Variants in AGMO observed in about 807,000 individuals in gnomAD.
AGMO encodes the protein alkylglycerol monooxygenase.
In AGMO, 75 loss-of-function variants were observed where a neutral mutation model predicts 60.2. That is an observed-to-expected ratio of 1.25 (90% CI 1.03 to 1.51). AGMO has a LOEUF of 1.51. AGMO is among the 40% of genes most tolerant of loss of function. The pLI is 0.00. For synonymous variants in AGMO, 261 were observed against 177.1 expected, an observed-to-expected ratio of 1.47 and a Z score of -3.76; for missense variants, 763 against 525.5, an observed-to-expected ratio of 1.45 and a Z score of -4.42.
At chr7:15,206,291 T>C (rs529799616) in intron 12 of AGMO, among the ~76,000 whole-genome samples, 3 of 152,208 alleles carry the variant, frequency 2.0e-5, no homozygotes, top group East Asian at 3.9e-4. Flanking sequence ...GTTTCACAAA[T>C]GCCAACTTAC....
chr7:15,154,021 C>G, the AGMO span, among the ~76,000 whole-genome samples: 1 of 151,984 alleles, frequency 6.6e-6, no homozygotes, highest in African/African-American at 2.4e-5. Flanking sequence ...ACCAGAAGTC[C>G]TAGCCAGATC....
At chr7:15,311,527 G>A (rs532925851) in intron 12 of AGMO, among the ~76,000 whole-genome samples, 10 of 152,134 alleles carry the variant, frequency 6.6e-5, no homozygotes, top group South Asian at 6.2e-4. Context: ...AAACCAATCC[G>A]GGCTCAGATG....
At chr7:15,296,572 T>TAC (rs146120279) in intron 12 of AGMO, among the ~76,000 whole-genome samples, 2,890 of 152,290 alleles carry the variant, frequency 0.019, 100 homozygotes, top group African/African-American at 0.066. Context: ...CCTCATGGTT[T>TAC]ACATCATGGT....
chr7:15,366,173 G>A lies in AGMO; in HGVS notation c.1124C>T (p.Thr375Ile), dbSNP rs761447700. ...CAGAAGAAATCCAATGGAAGTCAAG[G>A]TCAGGATAATGAAGCAAACCCTCAG... Reference protein sequence around the residue: ...LLLRVCFIILTLTSIGFLLDQ... With the variant: ...LLLRVCFIILILTSIGFLLDQ... The change falls in exon 11 of 13, where the codon ACC becomes ATC. Residue 375 changes from threonine (T) to isoleucine (I), a missense_variant. Coordinates refer to ENST00000342526, the MANE Select transcript of AGMO (RefSeq NM_001004320.2). The A allele has an allele frequency of 4.4e-6, 7 of 1,608,848 alleles. No individual in the cohort carries two copies. The highest frequency in any genetic ancestry group is 3.3e-5 in the South Asian group (3 of 90,248).
At chr7:15,205,256 T>A (rs542979448) in intron 12 of AGMO, among the ~76,000 whole-genome samples, 8 of 152,296 alleles carry the variant, frequency 5.3e-5, no homozygotes, top group Admixed American at 3.9e-4. Flanking sequence ...AAGTTCCAAT[T>A]ACAACTAGCT....
chr7:15,318,013 T>A (rs1053554471), intron 12 of AGMO, among the ~76,000 whole-genome samples: 65 of 149,614 alleles, frequency 4.3e-4, no homozygotes, highest in Middle Eastern at 7.0e-3. Context: ...TACATATATT[T>A]TTTTTTTTTT....
At chr7:15,140,772 T>C in the AGMO span, among the ~76,000 whole-genome samples, 1 of 152,250 alleles carries the variant, frequency 6.6e-6, no homozygotes. Context: ...ACTTTTTTGC[T>C]AATTGTTCCT....
intron 12 of AGMO, among the ~76,000 whole-genome samples, chr7:15,253,484 G>A (rs577445855): frequency 3.9e-5 from 6 of 152,202 alleles, no homozygotes; most frequent in Middle Eastern, 6.8e-3. Flanking sequence ...AATGATTTCT[G>A]AGCAAGGTGC....
chr7:15,520,688 A>T (rs964061688), intron 3 of AGMO, among the ~76,000 whole-genome samples: 4 of 152,234 alleles, frequency 2.6e-5, no homozygotes, highest in African/African-American at 9.6e-5. Context: ...TCTCTGGGAC[A>T]CAGCTAAAGC....
chr7:15,406,619 A>G (rs1190135402), intron 5 of AGMO, among the ~76,000 whole-genome samples: 1 of 41,170 alleles, frequency 2.4e-5, no homozygotes, highest in African/African-American at 1.5e-4. Context: ...ACATGTACAC[A>G]TGTGTGTATA....
At chr7:15,203,149 T>G (rs570449623) in intron 12 of AGMO, among the ~76,000 whole-genome samples, 119 of 152,200 alleles carry the variant, frequency 7.8e-4, no homozygotes, top group Non-Finnish European at 1.5e-3. Flanking sequence ...ACCTCATAAG[T>G]TGTATATAAA....
intron 12 of AGMO, among the ~76,000 whole-genome samples, chr7:15,293,711 C>A (rs1311565065): frequency 6.6e-6 from 1 of 152,082 alleles, no homozygotes; most frequent in Non-Finnish European, 1.5e-5. Context: ...ACGCCTAATT[C>A]TTTGTATTTT....
intron 10 of AGMO, among the ~76,000 whole-genome samples, chr7:15,372,797 A>G (rs1427005396): frequency 6.6e-6 from 1 of 152,156 alleles, no homozygotes; most frequent in African/African-American, 2.4e-5. Flanking sequence ...CTGCTGGTTT[A>G]TCTTTCATAT....
intron 12 of AGMO, among the ~76,000 whole-genome samples, chr7:15,309,107 A>G (rs983408196): frequency 6.6e-6 from 1 of 152,162 alleles, no homozygotes; most frequent in Non-Finnish European, 1.5e-5. Flanking sequence ...TCCTTAGACT[A>G]GTTATTCATT....
At chr7:15,158,555 T>G in the AGMO span, among the ~76,000 whole-genome samples, 1 of 152,234 alleles carries the variant, frequency 6.6e-6, no homozygotes, top group Non-Finnish European at 1.5e-5. Context: ...TGAGTCTTAC[T>G]GTGGAATCAC....
the AGMO span, among the ~76,000 whole-genome samples, chr7:15,135,010 C>T: frequency 6.6e-6 from 1 of 151,794 alleles, no homozygotes; most frequent in Non-Finnish European, 1.5e-5. Context: ...AACTAAATTA[C>T]TATCCATCTG....
At chr7:15,366,021 A>G in intron 11 of AGMO, 119 bp downstream of exon 11, 1 of 717,768 alleles carries the variant, frequency 1.4e-6, no homozygotes, top group Non-Finnish European at 2.2e-6. Flanking sequence ...TCAAATACCA[A>G]AATTTTATAT....
chr7:15,203,542 C>T (rs1366302173), intron 12 of AGMO, among the ~76,000 whole-genome samples: 2 of 150,120 alleles, frequency 1.3e-5, no homozygotes, highest in Admixed American at 1.3e-4. Flanking sequence ...TTTCAGGCTC[C>T]TATGTGTTAT....
chr7:15,348,936 T>A (rs560621555), intron 12 of AGMO, among the ~76,000 whole-genome samples: 18 of 152,254 alleles, frequency 1.2e-4, no homozygotes, highest in African/African-American at 4.1e-4. Flanking sequence ...ACCTCAAAGT[T>A]CTTCTAAATT....
Sources: allele counts gnomAD v4.1 joint callset (sites outside exome capture counted in the v4.1 genomes callset), GRCh38; gene constraint gnomAD v4.1.1; transcripts MANE v1.5; gene names NCBI Gene and HGNC (gene_info 2026-07-23, HGNC 2026-07-21).